The following NRXN3 variants were observed in gnomAD, a reference collection of about 807,000 sequenced individuals.
The protein encoded by NRXN3 is neurexin 3.
NRXN3 carries 32 observed loss-of-function variants against 137.6 expected under a neutral mutation model. The ratio of observed to expected loss-of-function variants is 0.23; its 90% CI spans 0.18 to 0.31. The LOEUF (loss-of-function observed/expected upper bound fraction) is 0.31. NRXN3 is among the 10% of genes least tolerant of loss of function. The probability of loss-of-function intolerance (pLI) is 1.00; values close to 1 mark genes in which losing one functional copy is unlikely to be tolerated. For synonymous variants in NRXN3, 798 were observed against 784.5 expected (o/e 1.02, Z -0.29); for missense variants, 1,574 against 2,062.5 (o/e 0.76, Z 4.59).
intron 17 of NRXN3, among the ~76,000 whole-genome samples, chr14:79,686,104 C>T (rs936861567): frequency 6.6e-6 from 1 of 151,924 alleles, no homozygotes; most frequent in Admixed American, 6.6e-5. Context: ...CCAGCCTGGC[C>T]AACACAGTGA....
At chr14:79,461,705 A>G (rs961425718) in intron 15 of NRXN3, among the ~76,000 whole-genome samples, 11 of 152,236 alleles carry the variant, frequency 7.2e-5, no homozygotes, top group Non-Finnish European at 1.5e-4. Context: ...GTTTAATTTG[A>G]TAGCAATAAC....
chr14:78,314,967 C>CTTCT, intron 4 of NRXN3, among the ~76,000 whole-genome samples: 1 of 80,542 alleles, frequency 1.2e-5, no homozygotes, highest in Non-Finnish European at 2.3e-5. Context: ...TCCTTCCTTC[C>CTTCT]TTCCTTCCTT....
intron 15 of NRXN3, among the ~76,000 whole-genome samples, chr14:79,210,412 C>A (rs1367965206): frequency 1.3e-5 from 2 of 152,132 alleles, no homozygotes; most frequent in African/African-American, 2.4e-5. Context: ...TAATCAAATT[C>A]TGTCTTGTGA....
intron 4 of NRXN3, among the ~76,000 whole-genome samples, chr14:78,342,428 A>G (rs2082244868): frequency 6.6e-6 from 1 of 152,190 alleles, no homozygotes; most frequent in African/African-American, 2.4e-5. Context: ...CGAGGGTGAC[A>G]TTAGTGGAGA....
At chr14:79,731,974 G>A (rs2098925380) in intron 19 of NRXN3, among the ~76,000 whole-genome samples, 1 of 151,864 alleles carries the variant, frequency 6.6e-6, no homozygotes, top group African/African-American at 2.4e-5. Flanking sequence ...TGGTTGAATA[G>A]AATCCTTTTA....
rs1601246945 is a variant in NRXN3 at position 78,606,319 on chromosome 14, T to C, written c.758-38801T>C. ...AAGGCCATGCCCTCATCTGACATTTTTTTTAGTCAGGAAATACCAACTTCA... is the reference window on the plus strand; with the variant it reads ...AAGGCCATGCCCTCATCTGACATTTCTTTTAGTCAGGAAATACCAACTTCA... On this transcript the variant is annotated intron_variant, in intron 4 of 20. Coordinates refer to ENST00000335750, the MANE Select transcript of NRXN3 (RefSeq NM_001330195.2). Among the ~76,000 whole-genome samples, 4 of 152,356 alleles carry C rather than the reference T, an allele frequency of 2.6e-5. No homozygotes were observed. In the South Asian group the frequency reaches 8.3e-4, roughly 32 times the overall value.
At chr14:78,612,700 T>C (rs556453415) in intron 4 of NRXN3, among the ~76,000 whole-genome samples, 1 of 152,204 alleles carries the variant, frequency 6.6e-6, no homozygotes, top group Non-Finnish European at 1.5e-5. Flanking sequence ...TGGTACTCAG[T>C]TGAGATTTGC....
At position 79,639,989 on chromosome 14, in the gene NRXN3, T is replaced by C. The variant is rs1361263717; in HGVS notation, c.3445-23789T>C. Among the ~76,000 whole-genome samples the C allele has an allele frequency of 2.9e-5, 4 of 136,194 alleles. 2 individuals carry two copies. The highest frequency in any genetic ancestry group is 6.8e-5 in the Non-Finnish European group (4 of 58,626). 89.3% of individuals were successfully genotyped at this position (136,194 alleles called of 152,430 possible). On this transcript the variant is annotated intron_variant, in intron 16 of 20. Transcript: ENST00000335750. ...CAAGTGGACATTTAGAATGGCACAG[T>C]TATCCATATAGGAATATTGTTGAGG...
chr14:78,857,423 C>T (rs1293587668), intron 10 of NRXN3, among the ~76,000 whole-genome samples: 2 of 152,128 alleles, frequency 1.3e-5, no homozygotes, highest in Non-Finnish European at 2.9e-5. Flanking sequence ...GGATGAGGCT[C>T]TACAAGGATT....
At chr14:78,187,642 C>A (rs946382990) in intron 1 of NRXN3, among the ~76,000 whole-genome samples, 5 of 152,172 alleles carry the variant, frequency 3.3e-5, no homozygotes, top group Admixed American at 3.3e-4. Context: ...GTCTTCGCTT[C>A]TGGTGATGGA....
chr14:78,617,611 A>G (rs1294571729), intron 4 of NRXN3, among the ~76,000 whole-genome samples: 1 of 151,816 alleles, frequency 6.6e-6, no homozygotes, highest in Admixed American at 6.6e-5. Context: ...TTCTAATGGG[A>G]TGGGGAATGC....
intron 6 of NRXN3, among the ~76,000 whole-genome samples, chr14:78,707,128 A>G (rs541550880): frequency 2.0e-5 from 3 of 152,298 alleles, no homozygotes; most frequent in South Asian, 2.1e-4. Flanking sequence ...TAAGTGCTTC[A>G]CATGTTTTAA....
intron 15 of NRXN3, among the ~76,000 whole-genome samples, chr14:79,171,888 C>G (rs1433362749): frequency 1.3e-5 from 2 of 151,328 alleles, no homozygotes; most frequent in Non-Finnish European, 2.9e-5. Flanking sequence ...TAAACTTTTA[C>G]TGTGTGCAAC....
At chr14:78,271,166 A>G (rs2072666304) in intron 2 of NRXN3, among the ~76,000 whole-genome samples, 1 of 152,202 alleles carries the variant, frequency 6.6e-6, no homozygotes, top group African/African-American at 2.4e-5. Context: ...CTTCTTAGTG[A>G]TTTAACATGT....
At chr14:78,495,782 T>C (rs2095768901) in intron 4 of NRXN3, among the ~76,000 whole-genome samples, 1 of 152,138 alleles carries the variant, frequency 6.6e-6, no homozygotes, top group Non-Finnish European at 1.5e-5. Flanking sequence ...AAGGTGACAG[T>C]CTTCTGGATC....
At chr14:78,681,507 G>T (rs1322875758) in intron 6 of NRXN3, among the ~76,000 whole-genome samples, 2 of 152,202 alleles carry the variant, frequency 1.3e-5, no homozygotes, top group Non-Finnish European at 2.9e-5. Flanking sequence ...TCAGTGGTTT[G>T]TAAATTGCTC....
At chr14:78,590,695 C>T (rs1388486931) in intron 4 of NRXN3, among the ~76,000 whole-genome samples, 1 of 152,176 alleles carries the variant, frequency 6.6e-6, no homozygotes, top group Non-Finnish European at 1.5e-5. Context: ...GGGCAGATCA[C>T]TTGAGATCAG....
intron 4 of NRXN3, among the ~76,000 whole-genome samples, chr14:78,314,954 C>T (rs1312787540): frequency 3.7e-4 from 26 of 70,848 alleles, no homozygotes; most frequent in South Asian, 1.1e-3. Context: ...TTCCTTCCTT[C>T]CTTCCTTCCT....
At chr14:78,547,064 A>G (rs1237463740) in intron 4 of NRXN3, among the ~76,000 whole-genome samples, 3 of 152,148 alleles carry the variant, frequency 2.0e-5, no homozygotes, top group Non-Finnish European at 4.4e-5. Flanking sequence ...TTAAATTCTC[A>G]CATATACCAG....
Sources: allele counts gnomAD v4.1 joint callset (sites outside exome capture counted in the v4.1 genomes callset), GRCh38; gene constraint gnomAD v4.1.1; transcripts MANE v1.5; gene names NCBI Gene and HGNC (gene_info 2026-07-23, HGNC 2026-07-21).